POLA1: variants seen among roughly 807,000 people sequenced by gnomAD.
POLA1 encodes the protein DNA polymerase alpha catalytic subunit.
In POLA1, 15 loss-of-function variants were observed where a neutral mutation model predicts 124.0. That is an observed-to-expected ratio of 0.12 (90% CI 0.08 to 0.19). POLA1 has a LOEUF of 0.19. POLA1 is among the 10% of genes least tolerant of loss of function. The pLI, the probability that POLA1 is intolerant of heterozygous loss-of-function variation, is 1.00. For synonymous variants in POLA1, 408 were observed against 389.4 expected (o/e 1.05, Z -0.56); for missense variants, 886 against 1,103.4 (o/e 0.80, Z 2.79).
intron 34 of POLA1, among the ~76,000 whole-genome samples, chrX:24,852,803 C>G (rs2046583367): frequency 9.0e-6 from 1 of 111,665 alleles, no homozygotes; most frequent in South Asian, 3.8e-4. Flanking sequence ...TCAGACCATT[C>G]AAGTGCTCAT....
At chrX:24,725,353 C>T (rs1012890268) in intron 12 of POLA1, among the ~76,000 whole-genome samples, 1 of 109,928 alleles carries the variant, frequency 9.1e-6, no homozygotes, top group Non-Finnish European at 1.9e-5. Context: ...CGCCACAATG[C>T]CCAGCTAATT....
chrX:24,965,591 T>C (rs953468335), intron 36 of POLA1, among the ~76,000 whole-genome samples: 1 of 112,177 alleles, frequency 8.9e-6, no homozygotes, highest in Non-Finnish European at 1.9e-5. Flanking sequence ...CTGCCTGACC[T>C]CAGCACCATT....
intron 36 of POLA1, among the ~76,000 whole-genome samples, chrX:24,971,440 A>G (rs2048301426): frequency 8.9e-6 from 1 of 112,694 alleles, no homozygotes; most frequent in Admixed American, 9.3e-5. Context: ...TACCCCTACC[A>G]GGGTATATTC....
intron 4 of POLA1, among the ~76,000 whole-genome samples, chrX:24,711,164 A>G (rs1235541133): frequency 9.0e-6 from 1 of 110,895 alleles, no homozygotes; most frequent in Non-Finnish European, 1.9e-5. Flanking sequence ...TTGTGTTTTT[A>G]GTAGAGACAG....
intron 15 of POLA1, among the ~76,000 whole-genome samples, chrX:24,729,280 G>A (rs913405862): frequency 9.0e-6 from 1 of 111,459 alleles, no homozygotes; most frequent in Non-Finnish European, 1.9e-5. Flanking sequence ...CTTTCTAGAT[G>A]CCAGTAGCAT....
intron 36 of POLA1, among the ~76,000 whole-genome samples, chrX:24,980,160 A>G (rs1186734325): frequency 9.0e-6 from 1 of 111,706 alleles, no homozygotes; most frequent in African/African-American, 3.3e-5. Context: ...TTTCACCTCT[A>G]TGCTTCACTT....
chrX:24,752,766 T>C (rs1932387138), intron 26 of POLA1, among the ~76,000 whole-genome samples: 1 of 111,908 alleles, frequency 8.9e-6, no homozygotes, highest in Non-Finnish European at 1.9e-5. Context: ...ATTGTAATAC[T>C]CTAGTGTTTA....
intron 32 of POLA1, among the ~76,000 whole-genome samples, chrX:24,837,719 A>C (rs2046360503): frequency 3.6e-5 from 4 of 112,330 alleles, no homozygotes; most frequent in Non-Finnish European, 5.6e-5. Flanking sequence ...TTTTACAAAA[A>C]AATTTCACTC....
chrX:24,956,417 CTT>C (rs1408948998), intron 36 of POLA1, among the ~76,000 whole-genome samples: 2 of 109,287 alleles, frequency 1.8e-5, no homozygotes, highest in Admixed American at 2.0e-4. Flanking sequence ...ACAAAATAGA[CTT>C]TATAGATTAG....
intron 34 of POLA1, 152 bp from the exon 35 acceptor site, chrX:24,887,854 T>G (rs2147138692): frequency 2.5e-6 from 1 of 400,051 alleles, no homozygotes; most frequent in Non-Finnish European, 4.4e-6. Flanking sequence ...TAGATCTATC[T>G]AATTAACATG....
At chrX:24,728,181 A>G (rs1433556863) in intron 15 of POLA1, among the ~76,000 whole-genome samples, 1 of 112,398 alleles carries the variant, frequency 8.9e-6, no homozygotes, top group Non-Finnish European at 1.9e-5. Context: ...CTTCAAATGG[A>G]CACAGACAGA....
intron 26 of POLA1, among the ~76,000 whole-genome samples, chrX:24,806,437 G>C (rs1053854758): frequency 2.7e-5 from 3 of 110,091 alleles, no homozygotes; most frequent in Non-Finnish European, 5.7e-5. Context: ...ATAAGCATTG[G>C]ACTAGAGAGG....
At chrX:24,926,317 TGGGGAATAATTA>T (rs2047690508) in intron 35 of POLA1, among the ~76,000 whole-genome samples, 1 of 111,047 alleles carries the variant, frequency 9.0e-6, no homozygotes, top group Non-Finnish European at 1.9e-5. Flanking sequence ...AAGGGGAAGA[TGGGGAATAATTA>T]GGGGAATAAG....
intron 26 of POLA1, among the ~76,000 whole-genome samples, chrX:24,793,194 T>C (rs979470025): frequency 3.0e-5 from 3 of 100,534 alleles, no homozygotes; most frequent in Non-Finnish European, 3.9e-5. Context: ...GGAGAATGGC[T>C]TGAACCCAGG....
chrX:24,857,945 A>G (rs1353640339), intron 34 of POLA1, among the ~76,000 whole-genome samples: 1 of 111,816 alleles, frequency 8.9e-6, no homozygotes, highest in African/African-American at 3.2e-5. Context: ...CTAATGTACC[A>G]CTGAATAGTT....
intron 36 of POLA1, among the ~76,000 whole-genome samples, chrX:24,939,567 C>A (rs992668794): frequency 1.8e-5 from 2 of 111,165 alleles, no homozygotes; most frequent in Non-Finnish European, 3.8e-5. Flanking sequence ...TATGAAATTT[C>A]ATGCACTAAA....
At chrX:24,708,281 T>C (rs929296659) in intron 4 of POLA1, among the ~76,000 whole-genome samples, 5 of 111,365 alleles carry the variant, frequency 4.5e-5, no homozygotes, top group Admixed American at 9.5e-5. Flanking sequence ...ACATTCTGTT[T>C]TCAGAGTGCT....
intron 26 of POLA1, among the ~76,000 whole-genome samples, chrX:24,754,201 C>T (rs1294143294): frequency 9.1e-6 from 1 of 110,194 alleles, no homozygotes; most frequent in African/African-American, 3.3e-5. Context: ...TCATCTTTAC[C>T]TGTAAATAAC....
chrX:24,817,885 G>C (rs931120424), intron 30 of POLA1, among the ~76,000 whole-genome samples: 1 of 108,948 alleles, frequency 9.2e-6, no homozygotes, highest in African/African-American at 3.3e-5. Context: ...AAGGAGAGTG[G>C]AATGGAAGAG....
Sources: gnomAD v4.1 joint callset for allele counts (sites outside exome capture counted in the v4.1 genomes callset) on GRCh38, gnomAD v4.1.1 for gene constraint, MANE v1.5 for transcripts, NCBI Gene and HGNC (gene_info 2026-07-23, HGNC 2026-07-21) for gene names.